The following MSI2 variants were observed in gnomAD, a reference collection of about 807,000 sequenced individuals.
The protein encoded by MSI2 is RNA-binding protein Musashi homolog 2.
Under a neutral mutation model 45.6 loss-of-function variants are expected in MSI2, and 17 were observed. That is an observed-to-expected ratio of 0.37 (90% CI 0.26 to 0.56). The LOEUF (loss-of-function observed/expected upper bound fraction) is 0.56, where lower values mean the gene tolerates loss of function less well. Among genes scored for constraint, MSI2 ranks in the 20% least tolerant of loss-of-function variants. The probability of loss-of-function intolerance (pLI) is 0.77; values close to 1 mark genes in which losing one functional copy is unlikely to be tolerated. For synonymous variants in MSI2, 156 were observed against 158.2 expected (o/e 0.99, Z 0.11); for missense variants, 293 against 444.2 (o/e 0.66, Z 3.06).
chr17:57,624,896 T>C (rs3744089), intron 9 of MSI2, among the ~76,000 whole-genome samples: 26,410 of 152,144 alleles, frequency 0.17, 2,490 homozygotes, highest in East Asian at 0.31. Flanking sequence ...TGTCACAGAT[T>C]ACCATAGACG....
At chr17:57,631,910 C>T in intron 10 of MSI2, 1 of 1,575,186 alleles carries the variant, frequency 6.3e-7, no homozygotes, top group Non-Finnish European at 8.6e-7. Context: ...TGGGCTGCCC[C>T]CGCTCCAGTC....
chr17:57,591,587 C>T (rs1037918532), intron 7 of MSI2, among the ~76,000 whole-genome samples: 3 of 151,792 alleles, frequency 2.0e-5, no homozygotes, highest in Non-Finnish European at 2.9e-5. Context: ...ATTAGCCAGG[C>T]ATGGTGGCAC....
intron 6 of MSI2, among the ~76,000 whole-genome samples, chr17:57,441,573 G>T (rs1208440232): frequency 6.6e-6 from 1 of 152,220 alleles, no homozygotes; most frequent in African/African-American, 2.4e-5. Flanking sequence ...ACTTCTTGGA[G>T]ACTTTGTTTT....
intron 6 of MSI2, among the ~76,000 whole-genome samples, chr17:57,526,131 A>C (rs1237428167): frequency 1.3e-5 from 2 of 152,168 alleles, no homozygotes; most frequent in African/African-American, 4.8e-5. Flanking sequence ...AGGCTGAGGC[A>C]GGAGAATCAC....
rs762204324 is a variant in MSI2, at chr17:57,400,537, G to T, written c.313-842G>T. 3.2e-4 allele frequency among the ~76,000 whole-genome samples: 49 copies of T among 152,136 alleles called. 1 individual carries two copies. Among genetic ancestry groups the T allele is most frequent in the Non-Finnish European group, 6.0e-4 (41 of 68,034 alleles). Reference sequence around the variant, plus strand: ...TTTGTAGAGGAGTCAAGAGCTTATTGTCTGGAGGAGGAAGTAACTTCACAC... The same window carrying T: ...TTTGTAGAGGAGTCAAGAGCTTATTTTCTGGAGGAGGAAGTAACTTCACAC... On this transcript the variant is annotated intron_variant, in intron 5 of 13. Coordinates refer to ENST00000284073, the MANE Select transcript of MSI2 (RefSeq NM_138962.4).
chr17:57,257,603 T>C, intron 3 of MSI2, 56 bp downstream of exon 3: 2 of 1,309,398 alleles, frequency 1.5e-6, no homozygotes, highest in South Asian at 1.2e-5. Flanking sequence ...TTAAGTTTTA[T>C]TTTTGGAGGT....
intron 10 of MSI2, chr17:57,630,417 C>T (rs1472903762): frequency 1.3e-5 from 2 of 152,280 alleles, no homozygotes; most frequent in African/African-American, 4.8e-5. Flanking sequence ...TCCCACCTTC[C>T]CACTCACTAT....
At chr17:57,265,052 G>A (rs1598043856) in intron 5 of MSI2, 1 of 152,202 alleles carries the variant, frequency 6.6e-6, no homozygotes, top group Admixed American at 6.5e-5. Context: ...AAGGTTGTAT[G>A]GTGGTTGGGA....
intron 5 of MSI2, among the ~76,000 whole-genome samples, chr17:57,393,832 C>T (rs1179738316): frequency 6.6e-6 from 1 of 152,210 alleles, no homozygotes; most frequent in Non-Finnish European, 1.5e-5. Flanking sequence ...CAGACGTGCA[C>T]CACCATGCCC....
chr17:57,446,043 G>C (rs2084893813), intron 6 of MSI2, among the ~76,000 whole-genome samples: 1 of 152,154 alleles, frequency 6.6e-6, no homozygotes, highest in African/African-American at 2.4e-5. Flanking sequence ...CTAATGGGGA[G>C]TCAGACTGGA....
At chr17:57,293,270 A>G (rs772589861) in intron 5 of MSI2, among the ~76,000 whole-genome samples, 1 of 152,144 alleles carries the variant, frequency 6.6e-6, no homozygotes, top group Non-Finnish European at 1.5e-5. Context: ...AATGGCCTTC[A>G]CATGACTTGT....
intron 6 of MSI2, among the ~76,000 whole-genome samples, chr17:57,466,571 T>A (rs1273223736): frequency 2.0e-5 from 3 of 150,378 alleles, no homozygotes; most frequent in South Asian, 2.2e-4. Context: ...CACCCCACCA[T>A]AAAATATAAT....
chr17:57,612,854 TG>T (rs1197011417), intron 8 of MSI2, among the ~76,000 whole-genome samples: 1 of 152,214 alleles, frequency 6.6e-6, no homozygotes, highest in Admixed American at 6.5e-5. Flanking sequence ...GGAAGTGAGC[TG>T]GTTAGCGGTA....
chr17:57,378,725 A>G (rs759951915), intron 5 of MSI2, among the ~76,000 whole-genome samples: 64 of 152,196 alleles, frequency 4.2e-4, no homozygotes, highest in Non-Finnish European at 7.4e-4. Flanking sequence ...TTAATTTCTT[A>G]GTTTGCCCAA....
downstream of MSI2, among the ~76,000 whole-genome samples, chr17:57,688,990 A>G (rs1913933287): frequency 6.6e-6 from 1 of 152,198 alleles, no homozygotes; most frequent in Non-Finnish European, 1.5e-5. Flanking sequence ...CGACTGGTGA[A>G]ATGGGGAAGA....
At chr17:57,570,546 G>A (rs542391596) in intron 7 of MSI2, among the ~76,000 whole-genome samples, 12 of 152,252 alleles carry the variant, frequency 7.9e-5, no homozygotes, top group African/African-American at 2.9e-4. Context: ...GACCCAAGTC[G>A]AATCTCTTCT....
intron 6 of MSI2, among the ~76,000 whole-genome samples, chr17:57,455,268 G>A (rs1330045092): frequency 6.6e-6 from 1 of 152,208 alleles, no homozygotes; most frequent in South Asian, 2.1e-4. Context: ...GTCAGCCTCT[G>A]AATAATGCAG....
chr17:57,456,333 G>C (rs2085113659), intron 6 of MSI2, among the ~76,000 whole-genome samples: 1 of 152,202 alleles, frequency 6.6e-6, no homozygotes, highest in African/African-American at 2.4e-5. Context: ...GCTTTGGCCG[G>C]GCGCAGTGGC....
chr17:57,652,082 C>G lies in MSI2; in HGVS notation c.728-17C>G. 6.2e-7 allele frequency: 1 copy of G among 1,613,522 alleles called. No homozygotes were observed. The highest frequency in any genetic ancestry group is 1.3e-5 in the African/African-American group (1 of 75,004). ...AAGGATTCCTCCATGACTCAGGCTC[C>G]TCTCTCTCCTGACCAGGCTTCCCAG... is the stretch of plus-strand genomic sequence containing the variant. On this transcript the variant is annotated splice_polypyrimidine_tract_variant and intron_variant, in intron 10 of 13. Transcript: ENST00000284073. This position sits in a 1 kb window ranked among gnomAD's most constrained non-coding sequence, Gnocchi z 4.1.
Sources: gnomAD v4.1 joint callset for allele counts (sites outside exome capture counted in the v4.1 genomes callset) on GRCh38, gnomAD v4.1.1 for gene constraint, Gnocchi (gnomAD v3.1) non-coding constraint, MANE v1.5 for transcripts, NCBI Gene and HGNC (gene_info 2026-07-23, HGNC 2026-07-21) for gene names.